The following ART1 variants were observed in gnomAD, a reference collection of about 807,000 sequenced individuals.
ART1 encodes the protein ADP-ribosyltransferase 1, also known as GPI-linked NAD(P)(+)--arginine ADP-ribosyltransferase 1.
Under a neutral mutation model 27.0 loss-of-function variants are expected in ART1, and 29 were observed. That is an observed-to-expected ratio of 1.08 (90% confidence interval 0.80 to 1.47). The LOEUF is 1.47. Ranked by LOEUF, ART1 falls within the 40% of genes most tolerant of loss-of-function variation. ART1 has a pLI of 0.00. For synonymous variants in ART1, 201 were observed against 172.2 expected, an observed-to-expected ratio of 1.17 and a Z score of -1.31; for missense variants, 480 against 423.0, an observed-to-expected ratio of 1.13 and a Z score of -1.18.
Position 3,648,734 on chromosome 11 carries a change from G to A in ART1, c.-53+3555G>A, listed in dbSNP as rs550110325. ...CAGAGGTGTCAGATCATGCAGGGAC[G>A]CCTGCCTTGGTCCTTCACCCTTAGC... On this transcript the variant is annotated intron_variant, in intron 1 of 4. Coordinates refer to ENST00000250693, the MANE Select transcript of ART1 (RefSeq NM_004314.3). 1.8e-4 allele frequency among the ~76,000 whole-genome samples: 27 copies of A among 152,286 alleles called. No individual in the cohort carries two copies. The South Asian group carries it at 3.9e-3, about 22-fold the overall frequency.
intron 1 of ART1, among the ~76,000 whole-genome samples, chr11:3,654,945 C>T (rs28519597): frequency 6.6e-6 from 1 of 150,504 alleles, no homozygotes; most frequent in Admixed American, 6.6e-5. Context: ...TGTGGAGACA[C>T]AATGAGAGAT....
intron 4 of ART1, among the ~76,000 whole-genome samples, chr11:3,662,260 G>C (rs2077626942): frequency 6.6e-6 from 1 of 152,100 alleles, no homozygotes; most frequent in Admixed American, 6.6e-5. Context: ...TAAGCAAATT[G>C]GACCAGATGA....
Position 3,661,355 on chromosome 11 carries a change from CTG to C in ART1, c.845-15_845-14del. On this transcript the variant is annotated splice_polypyrimidine_tract_variant and intron_variant, in intron 3 of 4. Transcript: ENST00000250693. ...CAGCTCCTGAGCCTTTCATTCTTTA[CTG>C]TTTCTTTTCTATAGACAAGAAGTGC... The C allele has an allele frequency of 6.2e-7, 1 of 1,610,210 alleles. No homozygotes were observed. The highest frequency in any genetic ancestry group is 8.5e-7 in the Non-Finnish European group (1 of 1,178,966).
chr11:3,655,025 A>G (rs967292571), intron 1 of ART1, among the ~76,000 whole-genome samples: 8 of 152,234 alleles, frequency 5.3e-5, no homozygotes, highest in East Asian at 1.9e-4. Context: ...GTGGCAAACA[A>G]ACATTTACTC....
intron 4 of ART1, among the ~76,000 whole-genome samples, chr11:3,663,088 C>CAT (rs2077634110): frequency 1.9e-5 from 1 of 53,410 alleles, no homozygotes; most frequent in South Asian, 7.5e-4. Context: ...CATCTCATCT[C>CAT]ATCATCTCAT....
intron 4 of ART1, among the ~76,000 whole-genome samples, chr11:3,662,290 T>C (rs1703379672): frequency 6.6e-6 from 1 of 152,190 alleles, no homozygotes; most frequent in Non-Finnish European, 1.5e-5. Context: ...ATGACTCTTC[T>C]CTTCCCTCGG....
chr11:3,650,179 T>G (rs2077508397), intron 1 of ART1, among the ~76,000 whole-genome samples: 2 of 152,148 alleles, frequency 1.3e-5, no homozygotes, highest in African/African-American at 4.8e-5. Flanking sequence ...CAGGGGTTCC[T>G]CCAGAACCTC....
intron 1 of ART1, among the ~76,000 whole-genome samples, chr11:3,649,913 A>G (rs1458432018): frequency 4.6e-5 from 7 of 152,200 alleles, no homozygotes. Flanking sequence ...AAATGTCAAA[A>G]GGCCACTTTA....
intron 1 of ART1, among the ~76,000 whole-genome samples, chr11:3,656,692 A>G (rs2077578929): frequency 6.6e-6 from 1 of 151,946 alleles, no homozygotes; most frequent in African/African-American, 2.4e-5. Context: ...GTGTCTCACA[A>G]TGTTGCCCAG....
At chr11:3,652,904 C>A (rs896175010) in intron 1 of ART1, among the ~76,000 whole-genome samples, 1 of 149,914 alleles carries the variant, frequency 6.7e-6, no homozygotes, top group Non-Finnish European at 1.5e-5. Flanking sequence ...CCTAGGTCCT[C>A]CCAATTCTTA....
intron 1 of ART1, among the ~76,000 whole-genome samples, chr11:3,652,824 T>A (rs571212440): frequency 2.0e-5 from 3 of 151,180 alleles, no homozygotes; most frequent in Admixed American, 6.6e-5. Context: ...CTCTAAACTC[T>A]TGAAGTAAAT....
intron 1 of ART1, among the ~76,000 whole-genome samples, chr11:3,658,096 G>T (rs1311793424): frequency 6.6e-6 from 1 of 152,068 alleles, no homozygotes; most frequent in East Asian, 1.9e-4. Context: ...ATTTTGGGAG[G>T]CTGAGGCGGG....
rs202064026 is a variant in ART1 at position 3,659,645 on chromosome 11, C to G, written c.126C>G (p.Ala42=). 48 of 1,613,508 alleles carry G rather than the reference C, an allele frequency of 3.0e-5. No individual in the cohort carries two copies. The Middle Eastern group carries it at 6.6e-4, about 22-fold the overall frequency. The change falls in exon 3 of 5, where the codon GCC becomes GCG. Residue 42 remains alanine (A), a synonymous_variant. Transcript: ENST00000250693. ...LFSQEIQLDM[A]LASFDDQYAG... is the part of the protein sequence containing the mutation. The stretch of plus-strand genomic sequence containing the variant: ...CTCAAGAGATTCAGCTGGACATGGC[C>G]CTGGCCTCCTTTGATGACCAGTACG...
At chr11:3,645,656 CT>C (rs1291784594) in intron 1 of ART1, among the ~76,000 whole-genome samples, 1 of 152,176 alleles carries the variant, frequency 6.6e-6, no homozygotes, top group East Asian at 1.9e-4. Context: ...ATGCTGGGGC[CT>C]CCCCAGTCCC....
chr11:3,649,488 G>T (rs184686437), intron 1 of ART1, among the ~76,000 whole-genome samples: 1 of 151,916 alleles, frequency 6.6e-6, no homozygotes, highest in African/African-American at 2.4e-5. Flanking sequence ...TTTCCCTCCC[G>T]CCTGTCCCCT....
intron 1 of ART1, among the ~76,000 whole-genome samples, chr11:3,651,741 A>T (rs146146706): frequency 0.038 from 5,692 of 151,560 alleles, 351 homozygotes; most frequent in African/African-American, 0.13. Flanking sequence ...TACTCACTCT[A>T]TGTTAAGTCC....
intron 1 of ART1, among the ~76,000 whole-genome samples, chr11:3,655,274 G>T (rs1390445797): frequency 1.3e-5 from 2 of 152,220 alleles, no homozygotes; most frequent in Non-Finnish European, 2.9e-5. Flanking sequence ...TGGGTGCAGT[G>T]AGCTTCTTTG....
chr11:3,659,468 C>T, intron 2 of ART1, 115 bp from the exon 3 acceptor site: 1 of 1,378,790 alleles, frequency 7.3e-7, no homozygotes, highest in Non-Finnish European at 9.8e-7. Flanking sequence ...CCCTTCCCCA[C>T]CAGGTGTGTT....
At position 3,659,821 on chromosome 11, in the gene ART1, C is replaced by G. The variant is rs61998205; in HGVS notation, c.302C>G (p.Thr101Ser). The change falls in exon 3 of 5, where the codon ACC (threonine) becomes AGC (serine). Residue 101 changes from threonine to serine, a missense_variant. Transcript: ENST00000250693. ...ARWPEWSLSPTRPSPPPLGFR... is the reference protein window; with the variant it reads ...ARWPEWSLSPSRPSPPPLGFR... ...TGGCCAGAGTGGAGTCTCAGCCCCACCCGTCCATCCCCGCCACCCCTGGGC... is the reference window on the plus strand; with the variant it reads ...TGGCCAGAGTGGAGTCTCAGCCCCAGCCGTCCATCCCCGCCACCCCTGGGC... The G allele has an allele frequency of 0.092, 148,701 of 1,611,744 alleles. 7,699 individuals carry two copies. Among genetic ancestry groups the G allele is most frequent in the Middle Eastern group, 0.11 (682 of 6,052 alleles).
Sources: gnomAD v4.1 joint callset for allele counts (sites outside exome capture counted in the v4.1 genomes callset) on GRCh38, gnomAD v4.1.1 for gene constraint, MANE v1.5 for transcripts, NCBI Gene and HGNC (gene_info 2026-07-23, HGNC 2026-07-21) for gene names.